Variants in XRN1 observed in about 807,000 individuals in gnomAD.
The protein encoded by XRN1 is 5'-3' exoribonuclease 1.
Under a neutral mutation model 222.3 loss-of-function variants are expected in XRN1, and 67 were observed. The observed-to-expected ratio is 0.30, with a 90% CI of 0.25 to 0.37. The LOEUF (loss-of-function observed/expected upper bound fraction) is 0.37, where lower values mean the gene tolerates loss of function less well. Ranked by LOEUF, XRN1 falls within the 10% of genes least tolerant of loss-of-function variation. The probability of loss-of-function intolerance (pLI) is 1.00; values close to 1 mark genes in which losing one functional copy is unlikely to be tolerated. For synonymous variants in XRN1, 643 were observed against 652.4 expected (o/e 0.99, Z 0.22); for missense variants, 1,707 against 2,000.2 (o/e 0.85, Z 2.80).
At chr3:142,407,801 G>A (rs2068403245) in intron 15 of XRN1, 2 of 152,008 alleles carry the variant, frequency 1.3e-5, no homozygotes, top group Admixed American at 1.3e-4. Context: ...CAACCAGTCT[G>A]TTAAATGTTC....
At chr3:142,362,585 C>T (rs532310032) in intron 29 of XRN1, among the ~76,000 whole-genome samples, 2 of 136,116 alleles carry the variant, frequency 1.5e-5, no homozygotes, top group Non-Finnish European at 3.2e-5. Context: ...TTCGTCCCCC[C>T]TACCCCCGCC....
In XRN1 at chr3:142,400,662, G is replaced by T. The variant is rs1234554895; in HGVS notation, c.2104-115C>A. 3 of 727,332 alleles carry T rather than the reference G, an allele frequency of 4.1e-6. No individual in the cohort carries two copies. The Admixed American group carries it at 8.5e-5, about 21-fold the overall frequency. 45.1% of individuals were successfully genotyped at this position (727,332 alleles called of 1,614,324 possible). A position where few individuals can be genotyped will look rare whatever the true frequency, so the allele number is the denominator to read the frequency against. ...TTTTAAATTCTAAAATAAACAAGTT[G>T]GGGCCGGGTGCAGTGACTCACACCT... is the stretch of plus-strand genomic sequence containing the variant. On this transcript the variant is annotated intron_variant, in intron 18 of 40. Coordinates refer to ENST00000392981, the MANE Select transcript of XRN1 (RefSeq NM_001282857.2).
At chr3:142,422,439 A>T (rs2069074733) in intron 8 of XRN1, 143 bp downstream of exon 8, 1 of 779,316 alleles carries the variant, frequency 1.3e-6, no homozygotes, top group Admixed American at 3.1e-5. Flanking sequence ...ACAACCTCAG[A>T]GGTTAGCACC....
intron 6 of XRN1, among the ~76,000 whole-genome samples, 162 bp from the exon 7 acceptor site, chr3:142,423,084 T>C (rs1394795774): frequency 6.6e-6 from 1 of 152,162 alleles, no homozygotes; most frequent in Non-Finnish European, 1.5e-5. Context: ...AAGATAAAAA[T>C]ACAATTGCAA....
intron 1 of XRN1, among the ~76,000 whole-genome samples, chr3:142,440,473 A>AT (rs1469385228): frequency 6.6e-5 from 10 of 151,956 alleles, no homozygotes. Context: ...AAGAATGCCC[A>AT]TCCTGGTCAA....
At chr3:142,403,217 T>C (rs941290728) in intron 18 of XRN1, among the ~76,000 whole-genome samples, 3 of 152,178 alleles carry the variant, frequency 2.0e-5, no homozygotes, top group Admixed American at 1.3e-4. Context: ...TCTCCTCAAA[T>C]ATATCACATT....
chr3:142,369,606 C>T (rs940632714), intron 27 of XRN1, among the ~76,000 whole-genome samples: 2 of 150,028 alleles, frequency 1.3e-5, no homozygotes, highest in African/African-American at 4.9e-5. Flanking sequence ...CGAGATCATG[C>T]CACTTCACTC....
chr3:142,362,578 G>A (rs1270090175), intron 29 of XRN1, among the ~76,000 whole-genome samples: 2 of 145,726 alleles, frequency 1.4e-5, no homozygotes, highest in South Asian at 2.2e-4. Context: ...TTTTTTCTTC[G>A]TCCCCCCTAC....
chr3:142,383,503 T>G (rs1160874086), intron 21 of XRN1, 90 bp from the exon 22 acceptor site: 4 of 1,081,502 alleles, frequency 3.7e-6, no homozygotes, highest in Non-Finnish European at 5.3e-6. Context: ...CTATGCTGTT[T>G]GCAAATGTCA....
intron 25 of XRN1, among the ~76,000 whole-genome samples, chr3:142,373,061 G>A (rs986496958): frequency 1.3e-5 from 2 of 152,040 alleles, no homozygotes; most frequent in African/African-American, 4.8e-5. Flanking sequence ...AACACTGCAA[G>A]AGAGACTAAA....
intron 32 of XRN1, among the ~76,000 whole-genome samples, chr3:142,349,087 G>A (rs572698295): frequency 6.6e-5 from 10 of 152,044 alleles, no homozygotes; most frequent in Admixed American, 5.9e-4. Flanking sequence ...CGAATAGCTG[G>A]GGCTATGGGT....
chr3:142,391,747 A>ATAT lies in XRN1; in HGVS notation c.2339+5581_2339+5582insATA, dbSNP rs758631390. Among the ~76,000 whole-genome samples the ATAT allele has an allele frequency of 3.3e-3, 355 of 108,336 alleles. 2 individuals are homozygous for ATAT. Among genetic ancestry groups the ATAT allele is most frequent in the African/African-American group, 0.011 (337 of 30,550 alleles). The allele number at this position is 108,336 out of a possible 152,430, so 71.1% of individuals were successfully genotyped here. A position where few individuals can be genotyped will look rare whatever the true frequency, so the allele number is the denominator to read the frequency against. ...AGACCCCGTCTCACTAAAAAAAAAA[A>ATAT]AAATATATATATATATATATATATA... On this transcript the variant is annotated intron_variant, in intron 20 of 40. Transcript: ENST00000392981.
chr3:142,322,406 G>T (rs1194662414), intron 37 of XRN1, among the ~76,000 whole-genome samples: 1 of 152,144 alleles, frequency 6.6e-6, no homozygotes, highest in East Asian at 1.9e-4. Flanking sequence ...AGAGATGATG[G>T]TCGGGCGCAG....
chr3:142,381,277 TCA>T (rs776842242), intron 22 of XRN1, among the ~76,000 whole-genome samples: 1 of 152,292 alleles, frequency 6.6e-6, no homozygotes, highest in East Asian at 1.9e-4. Context: ...CCTCAATATT[TCA>T]GTGTGTATTT....
intron 29 of XRN1, among the ~76,000 whole-genome samples, chr3:142,360,938 A>G (rs1398265197): frequency 2.0e-5 from 3 of 152,060 alleles, no homozygotes; most frequent in Non-Finnish European, 4.4e-5. Context: ...GACATATGAT[A>G]CACTGCACAT....
chr3:142,371,129 C>CA (rs372983936), intron 26 of XRN1, 110 bp downstream of exon 26: 35,381 of 643,800 alleles, frequency 0.055, 30 homozygotes, highest in African/African-American at 0.069. Context: ...GAACCTGTCT[C>CA]AAAAAAAAAA....
At position 142,311,776 on chromosome 3, in the gene XRN1, T is replaced by C; in HGVS notation, c.4820A>G (p.Glu1607Gly). 1 of 1,601,578 alleles carries C rather than the reference T, an allele frequency of 6.2e-7. No homozygotes were observed. The highest frequency in any genetic ancestry group is 8.5e-7 in the Non-Finnish European group (1 of 1,174,764). ...TTGAGAACTCTGGGCTTCCTTATTCTCAAAGTTCTTTTTGTTTGCAACCCT... is the reference window on the plus strand; with the variant it reads ...TTGAGAACTCTGGGCTTCCTTATTCCCAAAGTTCTTTTTGTTTGCAACCCT... Reference protein sequence around the residue: ...KKRVANKKNFENKEAQSSQAT... With the variant: ...KKRVANKKNFGNKEAQSSQAT... The change falls in exon 41 of 41, where the codon GAG (glutamate) becomes GGG (glycine). Residue 1607 changes from glutamate to glycine, a missense_variant. By Grantham distance (98) the Glu-to-Gly change is moderately conservative. Around this residue, in one of 2 missense-constraint regions of XRN1, gnomAD observed 473 missense variants for 482.0 expected, o/e 0.98. Transcript: ENST00000392981.
chr3:142,419,945 T>C (rs2068941970), intron 10 of XRN1, among the ~76,000 whole-genome samples: 1 of 152,210 alleles, frequency 6.6e-6, no homozygotes, highest in Non-Finnish European at 1.5e-5. Flanking sequence ...GGTACTATCA[T>C]ATTCTAATTG....
At chr3:142,395,353 C>T (rs1468737226) in intron 20 of XRN1, among the ~76,000 whole-genome samples, 1 of 152,194 alleles carries the variant, frequency 6.6e-6, no homozygotes, top group Non-Finnish European at 1.5e-5. Context: ...CTTGTCTACC[C>T]AACTTGGTCG....
Sources: allele counts gnomAD v4.1 joint callset (sites outside exome capture counted in the v4.1 genomes callset), GRCh38; gene constraint gnomAD v4.1.1; regional missense constraint gnomAD v4.1.1; transcripts MANE v1.5; gene names NCBI Gene and HGNC (gene_info 2026-07-23, HGNC 2026-07-21).